The following NRF1 variants were observed in gnomAD, a reference collection of about 807,000 sequenced individuals.
The protein encoded by NRF1 is alpha palindromic-binding protein.
A neutral mutation model predicts 58.5 loss-of-function variants in NRF1; 5 were observed. The ratio of observed to expected loss-of-function variants is 0.09; its 90% confidence interval spans 0.04 to 0.18. The LOEUF (loss-of-function observed/expected upper bound fraction) is 0.18, where lower values mean the gene tolerates loss of function less well. Among genes scored for constraint, NRF1 ranks in the 10% least tolerant of loss-of-function variants. The pLI is 1.00. For missense variants in NRF1, 288 were observed against 657.7 expected (o/e 0.44, Z 6.15); for synonymous variants, 224 against 246.7 (o/e 0.91, Z 0.86).
rs1024224464 is a variant in NRF1, at chr7:129,741,483, AT to A, written c.1349-13526del. Among the ~76,000 whole-genome samples, 1 of 151,400 alleles carries A rather than the reference AT, an allele frequency of 6.6e-6. No individual in the cohort carries two copies. ...ATTGTGAGCGCTATTCTGTAAAGGG[AT>A]TTTTTTTTCTGGCATACCAAATCCA... is the stretch of plus-strand genomic sequence containing the variant. On this transcript the variant is annotated intron_variant, in intron 10 of 10. Coordinates refer to ENST00000393232, the MANE Select transcript of NRF1 (RefSeq NM_005011.5). This position sits in a 1 kb window ranked among gnomAD's most constrained non-coding sequence, Gnocchi z 4.0.
chr7:129,680,712 A>G (rs1032831297), intron 4 of NRF1, among the ~76,000 whole-genome samples: 3 of 152,250 alleles, frequency 2.0e-5, no homozygotes, highest in African/African-American at 7.2e-5. Context: ...CACATGTTGT[A>G]TGATTCCATT....
intron 1 of NRF1, among the ~76,000 whole-genome samples, chr7:129,633,992 AT>A (rs201785906): frequency 1.4e-5 from 2 of 146,900 alleles, no homozygotes; most frequent in African/African-American, 5.0e-5. Flanking sequence ...TTTGACCGTG[AT>A]TTTTTAAGGG....
chr7:129,634,429 T>TG (rs1801126807), intron 1 of NRF1, among the ~76,000 whole-genome samples: 1 of 152,196 alleles, frequency 6.6e-6, no homozygotes, highest in African/African-American at 2.4e-5. Flanking sequence ...GTCCTATGGT[T>TG]GGAATCATAC....
chr7:129,746,700 T>G (rs560701590), intron 10 of NRF1, among the ~76,000 whole-genome samples: 1 of 152,270 alleles, frequency 6.6e-6, no homozygotes, highest in Non-Finnish European at 1.5e-5. Context: ...TGGTCCCGGT[T>G]CCCATTTGGG....
At chr7:129,679,622 C>T (rs924113674) in intron 4 of NRF1, among the ~76,000 whole-genome samples, 1 of 151,740 alleles carries the variant, frequency 6.6e-6, no homozygotes, top group African/African-American at 2.4e-5. Flanking sequence ...ACTCGGGAGG[C>T]TGAGGCAGAA....
At chr7:129,655,251 T>G (rs1801625207) in intron 1 of NRF1, among the ~76,000 whole-genome samples, 1 of 152,190 alleles carries the variant, frequency 6.6e-6, no homozygotes. Context: ...GATTTCAGAT[T>G]CCACTTATTC....
chr7:129,651,526 C>T (rs922744965), intron 1 of NRF1, among the ~76,000 whole-genome samples: 1 of 152,038 alleles, frequency 6.6e-6, no homozygotes, highest in Non-Finnish European at 1.5e-5. Flanking sequence ...GCAGACAGCC[C>T]TATTGATTCA....
chr7:129,619,736 G>GTTT (rs34136401), intron 1 of NRF1, among the ~76,000 whole-genome samples: 12 of 125,644 alleles, frequency 9.6e-5, no homozygotes, highest in African/African-American at 1.8e-4. Flanking sequence ...TGTTTGGGTT[G>GTTT]TTTTTTTTTT....
chr7:129,729,454 C>T (rs1438331398), intron 10 of NRF1, among the ~76,000 whole-genome samples: 1 of 152,206 alleles, frequency 6.6e-6, no homozygotes, highest in East Asian at 1.9e-4. Flanking sequence ...CAAAGCAGGC[C>T]ATCCTCAGTC....
At chr7:129,617,106 T>G (rs990865777) in intron 1 of NRF1, among the ~76,000 whole-genome samples, 2 of 152,228 alleles carry the variant, frequency 1.3e-5, no homozygotes, top group African/African-American at 4.8e-5. Flanking sequence ...GCTGATGGCT[T>G]AAGTGGACAT....
At chr7:129,617,079 C>G (rs1800674397) in intron 1 of NRF1, among the ~76,000 whole-genome samples, 1 of 152,144 alleles carries the variant, frequency 6.6e-6, no homozygotes, top group Admixed American at 6.5e-5. Context: ...TCTGTGGTAA[C>G]AAATGTGAAA....
rs1305112249 is a variant in NRF1 at position 129,690,498 on chromosome 7, G to T, written c.558G>T (p.Pro186=). ...CACAGGAGGTTAACTCAGAACTGCCGCCTCTCACCATCGACGGAATTCCAG... is the reference window on the plus strand; with the variant it reads ...CACAGGAGGTTAACTCAGAACTGCCTCCTCTCACCATCGACGGAATTCCAG... ...PAPQEVNSEL[P]PLTIDGIPVS... Residue 186 remains proline, a synonymous_variant, in exon 5 of 11, where the codon CCG becomes CCT. Coordinates refer to ENST00000393232, the MANE Select transcript of NRF1 (RefSeq NM_005011.5). 6.2e-7 allele frequency: 1 copy of T among 1,614,166 alleles called. No individual in the cohort carries two copies. Among genetic ancestry groups the T allele is most frequent in the South Asian group, 1.1e-5 (1 of 91,072 alleles).
intron 10 of NRF1, among the ~76,000 whole-genome samples, chr7:129,753,273 C>A (rs545326053): frequency 6.6e-5 from 10 of 152,276 alleles, no homozygotes; most frequent in African/African-American, 2.2e-4. Context: ...AGTGGGTGAA[C>A]CTCAGAGGCC....
chr7:129,661,394 CA>C (rs1801776941), intron 2 of NRF1, among the ~76,000 whole-genome samples: 1 of 151,342 alleles, frequency 6.6e-6, no homozygotes, highest in African/African-American at 2.5e-5. Context: ...TATCAGGCTG[CA>C]AATTTTCCAA....
rs915578296 is a variant in NRF1, at chr7:129,757,043, T to G, written c.*1862T>G. 6.6e-6 allele frequency: 1 copy of G among 152,640 alleles called. No individual in the cohort carries two copies. The highest frequency in any genetic ancestry group is 2.1e-4 in the South Asian group (1 of 4,834). 9.5% of individuals were successfully genotyped at this position (152,640 alleles called of 1,614,324 possible). On this transcript the variant is annotated 3_prime_UTR_variant, in exon 11 of 11. Coordinates refer to ENST00000393232, the MANE Select transcript of NRF1 (RefSeq NM_005011.5). ...TGTTGTTTCCCATTCTGTCTTTGACTGCCTCATTCAATAAATAGTTAAAAA... is the reference window on the plus strand; with the variant it reads ...TGTTGTTTCCCATTCTGTCTTTGACGGCCTCATTCAATAAATAGTTAAAAA...
rs936891899 is a variant in NRF1 at position 129,736,376 on chromosome 7, G to C, written c.1348+9011G>C. ...AGCTCACTGCAACCTCCACCTCCTG[G>C]GTTCAAGCGATTCTCCTGCCTCAGC... On this transcript the variant is annotated intron_variant, in intron 10 of 10. Coordinates refer to ENST00000393232, the MANE Select transcript of NRF1 (RefSeq NM_005011.5). Among the ~76,000 whole-genome samples the C allele has an allele frequency of 1.5e-3, 231 of 150,202 alleles. 1 individual carries two copies. The highest frequency in any genetic ancestry group is 5.0e-3 in the African/African-American group (204 of 40,978).
intron 4 of NRF1, among the ~76,000 whole-genome samples, chr7:129,688,487 A>AGG (rs1802491152): frequency 6.6e-6 from 1 of 152,172 alleles, no homozygotes; most frequent in Admixed American, 6.6e-5. Flanking sequence ...ATTTAACCTT[A>AGG]TAAACCTTAA....
At chr7:129,707,941 A>G (rs1802988780) in intron 5 of NRF1, among the ~76,000 whole-genome samples, 1 of 152,224 alleles carries the variant, frequency 6.6e-6, no homozygotes, top group Non-Finnish European at 1.5e-5. Context: ...CCTGATATTT[A>G]TAGAAATCTT....
chr7:129,749,151 G>A (rs774015928), intron 10 of NRF1, among the ~76,000 whole-genome samples: 27 of 152,158 alleles, frequency 1.8e-4, no homozygotes, highest in Non-Finnish European at 3.5e-4. Flanking sequence ...CACTTTGTAC[G>A]GAAGTTTTAA....
Sources: allele counts gnomAD v4.1 joint callset (sites outside exome capture counted in the v4.1 genomes callset), GRCh38; gene constraint gnomAD v4.1.1; non-coding constraint Gnocchi (gnomAD v3.1); transcripts MANE v1.5; gene names NCBI Gene and HGNC (gene_info 2026-07-23, HGNC 2026-07-21).